Variants in SLC35F4 observed in about 807,000 individuals in gnomAD.
SLC35F4 encodes chromosome 14 open reading frame 36.
Under a neutral mutation model 44.2 loss-of-function variants are expected in SLC35F4, and 24 were observed. The ratio of observed to expected loss-of-function variants is 0.54; its 90% CI spans 0.39 to 0.76. SLC35F4 has a LOEUF of 0.76. Among genes scored for constraint, SLC35F4 ranks in the 30% least tolerant of loss-of-function variants. SLC35F4 has a pLI of 0.00. For synonymous variants in SLC35F4, 238 were observed against 223.6 expected (o/e 1.06, Z -0.57); for missense variants, 562 against 586.1 (o/e 0.96, Z 0.42).
intron 5 of SLC35F4, 82 bp from the exon 6 acceptor site, chr14:57,570,062 C>T (rs1419296018): frequency 7.8e-7 from 1 of 1,282,700 alleles, no homozygotes; most frequent in African/African-American, 1.5e-5. Flanking sequence ...ATACTGTGAG[C>T]TAACTGGCCC....
rs77980996 is a variant in SLC35F4, at chr14:57,761,475, C to T, written c.103+104248G>A. On this transcript the variant is annotated intron_variant, in intron 1 of 7. Transcript: ENST00000556826. ...AAGTCTACATAATGAAGACTTAGAA[C>T]AAAAATTGTGTACAAAGTTAAGTTT... Among the ~76,000 whole-genome samples, 801 of 152,088 alleles carry T rather than the reference C, an allele frequency of 5.3e-3. 3 individuals carry two copies. The highest frequency in any genetic ancestry group is 8.3e-3 in the Admixed American group (126 of 15,272).
chr14:57,729,683 C>T (rs751740589), intron 1 of SLC35F4, among the ~76,000 whole-genome samples: 2 of 152,172 alleles, frequency 1.3e-5, no homozygotes, highest in Non-Finnish European at 2.9e-5. Flanking sequence ...GGGAGGGATG[C>T]ACAAGCACTC....
At chr14:57,965,132 C>A (rs916828333) in intron 1 of SLC35F4, among the ~76,000 whole-genome samples, 1 of 151,948 alleles carries the variant, frequency 6.6e-6, no homozygotes, top group Non-Finnish European at 1.5e-5. Flanking sequence ...TATTATCTCA[C>A]AATAATTCTG....
intron 1 of SLC35F4, among the ~76,000 whole-genome samples, chr14:57,618,468 C>T (rs766938732): frequency 6.6e-6 from 1 of 152,150 alleles, no homozygotes; most frequent in Non-Finnish European, 1.5e-5. Flanking sequence ...CAAGGGAAGC[C>T]GGGAGGAACT....
chr14:57,679,964 A>T (rs2140300109), intron 1 of SLC35F4, among the ~76,000 whole-genome samples: 1 of 152,266 alleles, frequency 6.6e-6, no homozygotes, highest in Non-Finnish European at 1.5e-5. Flanking sequence ...AGCTGGTACC[A>T]TTCCTTCTGA....
At chr14:57,613,849 A>T (rs2071650697) in intron 1 of SLC35F4, among the ~76,000 whole-genome samples, 1 of 152,214 alleles carries the variant, frequency 6.6e-6, no homozygotes, top group Non-Finnish European at 1.5e-5. Context: ...CTTTATTGGC[A>T]AGGAGGAAAG....
intron 1 of SLC35F4, among the ~76,000 whole-genome samples, chr14:57,614,949 C>T (rs1478416116): frequency 6.6e-6 from 1 of 152,088 alleles, no homozygotes; most frequent in African/African-American, 2.4e-5. Context: ...GAGGGTGGGA[C>T]CAGAAATTCT....
Position 57,865,975 on chromosome 14 carries a change from C to G in SLC35F4, c.-150G>C, listed in dbSNP as rs951075111. 4 of 436,894 alleles carry G rather than the reference C, an allele frequency of 9.2e-6. No homozygotes were observed. In the South Asian group the frequency reaches 1.4e-4, roughly 15 times the overall value. 27.1% of individuals were successfully genotyped at this position (436,894 alleles called of 1,614,324 possible). ...CTGACTCCACCGCCCGGCGCAGCAC[C>G]GGCTCCGCATCACAGCGGCGGCGGC... is the stretch of plus-strand genomic sequence containing the variant. On this transcript the variant is annotated 5_prime_UTR_variant, in exon 1 of 8. Coordinates refer to ENST00000556826, the MANE Select transcript of SLC35F4 (RefSeq NM_001306087.2).
chr14:57,806,346 T>C lies in SLC35F4; in HGVS notation c.103+59377A>G, dbSNP rs1946235075. Among the ~76,000 whole-genome samples, 3 of 152,142 alleles carry C rather than the reference T, an allele frequency of 2.0e-5. No individual in the cohort carries two copies. In the South Asian group the frequency reaches 6.2e-4, roughly 32 times the overall value. On this transcript the variant is annotated intron_variant, in intron 1 of 7. Transcript: ENST00000556826. ...AAATAGTTGACATTGCCTTATAGTA[T>C]AGTCATTAAAAATAAAGGTGCTATT...
intron 1 of SLC35F4, chr14:57,630,347 G>T: frequency 1.7e-6 from 1 of 595,594 alleles, no homozygotes; most frequent in South Asian, 1.7e-5. Context: ...ACAGTAGACC[G>T]ACTGGAAGAC....
At chr14:57,933,039 C>CTTTTTTT (rs565156783) in intron 1 of SLC35F4, among the ~76,000 whole-genome samples, 1 of 137,500 alleles carries the variant, frequency 7.3e-6, no homozygotes. Context: ...CTCCTATTTA[C>CTTTTTTT]TTTTTTTTTT....
At chr14:57,816,017 A>G (rs1269228932) in intron 1 of SLC35F4, among the ~76,000 whole-genome samples, 1 of 152,162 alleles carries the variant, frequency 6.6e-6, no homozygotes, top group Non-Finnish European at 1.5e-5. Context: ...AGAAGGAAGT[A>G]AAAATTTGGG....
intron 1 of SLC35F4, among the ~76,000 whole-genome samples, chr14:57,594,461 C>A (rs1044187629): frequency 1.2e-4 from 16 of 133,748 alleles, no homozygotes; most frequent in African/African-American, 3.6e-4. Flanking sequence ...CAATCACAGT[C>A]CTAATGAGCT....
Position 57,698,594 on chromosome 14 carries a change from T to C in SLC35F4, c.104-104470A>G, listed in dbSNP as rs1279442165. ...ATTAATAGGTTAAGTTTCAAAGAGC[T>C]ACCCTGAGAAAGAATTGTATTCCAG... On this transcript the variant is annotated intron_variant, in intron 1 of 7. Transcript: ENST00000556826. 2.0e-5 allele frequency among the ~76,000 whole-genome samples: 3 copies of C among 151,956 alleles called. No homozygotes were observed. In the East Asian group the frequency reaches 5.8e-4, roughly 29 times the overall value.
intron 1 of SLC35F4, among the ~76,000 whole-genome samples, chr14:57,965,285 C>T (rs1594658586): frequency 6.6e-6 from 1 of 152,126 alleles, no homozygotes; most frequent in Admixed American, 6.5e-5. Context: ...ATCTTCACAG[C>T]CAGCAGTAGC....
At chr14:57,754,238 G>T (rs1177089521) in intron 1 of SLC35F4, among the ~76,000 whole-genome samples, 1 of 151,746 alleles carries the variant, frequency 6.6e-6, no homozygotes, top group Non-Finnish European at 1.5e-5. Context: ...AAGTGTCTGG[G>T]ATTACACACA....
intron 1 of SLC35F4, among the ~76,000 whole-genome samples, chr14:57,981,483 G>A (rs1881380842): frequency 6.6e-6 from 1 of 152,076 alleles, no homozygotes; most frequent in South Asian, 2.1e-4. Flanking sequence ...GCTAATGGAT[G>A]GGATTTCGTA....
chr14:57,768,298 T>A (rs959408936), intron 1 of SLC35F4, among the ~76,000 whole-genome samples: 1 of 152,228 alleles, frequency 6.6e-6, no homozygotes, highest in Admixed American at 6.5e-5. Flanking sequence ...GTATTTGCCT[T>A]CCTAACTTAG....
At chr14:57,747,935 T>C (rs1407111240) in intron 1 of SLC35F4, among the ~76,000 whole-genome samples, 1 of 152,192 alleles carries the variant, frequency 6.6e-6, no homozygotes, top group Non-Finnish European at 1.5e-5. Context: ...AGAACAAAAG[T>C]CTATTTCAGT....
Sources: gnomAD v4.1 joint callset for allele counts (sites outside exome capture counted in the v4.1 genomes callset) on GRCh38, gnomAD v4.1.1 for gene constraint, MANE v1.5 for transcripts, NCBI Gene and HGNC (gene_info 2026-07-23, HGNC 2026-07-21) for gene names.